The following LINGO1 variants were observed in gnomAD, a reference collection of about 807,000 sequenced individuals.
LINGO1 encodes the protein leucine-rich repeat and immunoglobulin-like domain-containing nogo receptor-interacting protein 1.
A neutral mutation model predicts 37.3 loss-of-function variants in LINGO1; 11 were observed. That is an observed-to-expected ratio of 0.29 (90% confidence interval 0.19 to 0.49). The LOEUF is 0.49. LINGO1 is among the 20% of genes least tolerant of loss of function. The pLI is 0.99. For synonymous variants in LINGO1, 387 were observed against 403.0 expected (o/e 0.96, Z 0.48); for missense variants, 585 against 878.2 (o/e 0.67, Z 4.22).
chr15:77,778,913 G>C (rs1218920037), intron 1 of LINGO1, among the ~76,000 whole-genome samples: 1 of 152,138 alleles, frequency 6.6e-6, no homozygotes, highest in Admixed American at 6.5e-5. Flanking sequence ...CGATCTCCAA[G>C]TTCTGGACCC....
chr15:77,694,240 C>T (rs182773203), intron 1 of LINGO1, among the ~76,000 whole-genome samples: 1 of 152,266 alleles, frequency 6.6e-6, no homozygotes, highest in Non-Finnish European at 1.5e-5. Flanking sequence ...ATTATTAGGA[C>T]TTCACAGATC....
intron 1 of LINGO1, among the ~76,000 whole-genome samples, chr15:77,628,906 T>C (rs1011208767): frequency 6.6e-6 from 1 of 152,192 alleles, no homozygotes; most frequent in Non-Finnish European, 1.5e-5. Flanking sequence ...ACCTACCACC[T>C]ACAAGGATAA....
intron 1 of LINGO1, among the ~76,000 whole-genome samples, chr15:77,622,844 G>T (rs1163681862): frequency 6.6e-6 from 1 of 152,200 alleles, no homozygotes; most frequent in Admixed American, 6.5e-5. Context: ...AGCAGCTCAG[G>T]GTTTCTCCCT....
Position 77,632,437 on chromosome 15 carries a change from C to CGCGGACTG in LINGO1, c.-123_-122insCAGTCCGC. On this transcript the variant is annotated 5_prime_UTR_variant, in exon 1 of 2. Transcript: ENST00000355300. The surrounding 1 kb of genome is among the most constrained non-coding windows in gnomAD (Gnocchi z 6.0). ...GTTTCCTCCTCCTCCGACACCTCCG[C>CGCGGACTG]CCGGCAGTCCGCGCGCCCTCGCGGG... 9.1e-7 allele frequency: 1 copy of CGCGGACTG among 1,096,766 alleles called. No homozygotes were observed. Among genetic ancestry groups the CGCGGACTG allele is most frequent in the Non-Finnish European group, 1.2e-6 (1 of 862,512 alleles). 67.9% of individuals were successfully genotyped at this position (1,096,766 alleles called of 1,614,324 possible).
At chr15:77,620,702 C>G (rs2073890856) in intron 1 of LINGO1, among the ~76,000 whole-genome samples, 1 of 152,244 alleles carries the variant, frequency 6.6e-6, no homozygotes, top group Non-Finnish European at 1.5e-5. Flanking sequence ...ATGGGAGGCT[C>G]AGACCCAAAA....
At chr15:77,807,094 T>G (rs1205725106) in intron 1 of LINGO1, among the ~76,000 whole-genome samples, 1 of 152,194 alleles carries the variant, frequency 6.6e-6, no homozygotes, top group Non-Finnish European at 1.5e-5. Context: ...CTGTCTGGAA[T>G]TCCTTCCTCC....
intron 1 of LINGO1, among the ~76,000 whole-genome samples, chr15:77,618,004 T>A (rs1361935921): frequency 6.6e-6 from 1 of 152,184 alleles, no homozygotes; most frequent in African/African-American, 2.4e-5. Context: ...ACCAGGCTAT[T>A]TTCCACAGTC....
intron 3 of LINGO1, among the ~76,000 whole-genome samples, chr15:77,673,413 G>A (rs561320420): frequency 1.1e-4 from 16 of 149,566 alleles, no homozygotes; most frequent in South Asian, 2.1e-4. Context: ...GCATTTCACC[G>A]CCCCAATCGC....
At chr15:77,660,893 G>A (rs1348624939) in intron 3 of LINGO1, among the ~76,000 whole-genome samples, 2 of 152,168 alleles carry the variant, frequency 1.3e-5, no homozygotes, top group African/African-American at 2.4e-5. Context: ...GGAGGGCTGC[G>A]GCTGTGCCTG....
At chr15:77,638,498 G>A (rs780205577), upstream of LINGO1, among the ~76,000 whole-genome samples, 2 of 152,232 alleles carry the variant, frequency 1.3e-5, no homozygotes, top group Non-Finnish European at 2.9e-5. Context: ...CTGAGAGCCT[G>A]GCTCGGCTGT....
intron 1 of LINGO1, among the ~76,000 whole-genome samples, chr15:77,783,701 T>G (rs1210020689): frequency 1.3e-5 from 2 of 152,210 alleles, no homozygotes; most frequent in African/African-American, 4.8e-5. Context: ...CTGCTGCTGC[T>G]AAAACGAATC....
intron 1 of LINGO1, among the ~76,000 whole-genome samples, chr15:77,747,093 C>T (rs907693385): frequency 3.3e-4 from 50 of 152,324 alleles, no homozygotes; most frequent in African/African-American, 1.2e-3. Context: ...ACCCTCCCTG[C>T]CTTTAGCTCC....
chr15:77,745,421 T>C (rs930467578), intron 1 of LINGO1, among the ~76,000 whole-genome samples: 15 of 146,564 alleles, frequency 1.0e-4, no homozygotes, highest in African/African-American at 3.8e-4. Context: ...CAAGACTCCG[T>C]CTCAAAAGAA....
chr15:77,665,538 G>A (rs1596074499), intron 3 of LINGO1, among the ~76,000 whole-genome samples: 1 of 152,232 alleles, frequency 6.6e-6, no homozygotes, highest in East Asian at 1.9e-4. Context: ...ACAGATGAGT[G>A]CAACCATAGT....
chr15:77,699,710 T>TC (rs1567532138), upstream of LINGO1, among the ~76,000 whole-genome samples: 2 of 2,882 alleles, frequency 6.9e-4, no homozygotes, highest in East Asian at 8.6e-3. Context: ...CTAACCATCA[T>TC]TCCCACACAC....
chr15:77,681,591 G>A (rs1018643035), intron 2 of LINGO1, among the ~76,000 whole-genome samples: 2 of 152,224 alleles, frequency 1.3e-5, no homozygotes, highest in East Asian at 3.9e-4. Flanking sequence ...AATGCAACAT[G>A]AATCGTTTTC....
intron 1 of LINGO1, among the ~76,000 whole-genome samples, chr15:77,771,733 C>G (rs28495127): frequency 6.6e-6 from 1 of 152,176 alleles, no homozygotes; most frequent in Non-Finnish European, 1.5e-5. Flanking sequence ...ACTCCAGAAG[C>G]CTTGGCCACC....
At chr15:77,777,481 A>G (rs139236405) in intron 1 of LINGO1, among the ~76,000 whole-genome samples, 1,480 of 89,394 alleles carry the variant, frequency 0.017, 21 homozygotes, top group African/African-American at 0.054. Flanking sequence ...ACACACACAC[A>G]CACACACACA....
chr15:77,635,363 G>A (rs1320034269), upstream of LINGO1, among the ~76,000 whole-genome samples: 1 of 152,120 alleles, frequency 6.6e-6, no homozygotes, highest in Non-Finnish European at 1.5e-5. Flanking sequence ...GTGAGAGTAC[G>A]GGTCCCTGGC....
Sources: gnomAD v4.1 joint callset for allele counts (sites outside exome capture counted in the v4.1 genomes callset) on GRCh38, gnomAD v4.1.1 for gene constraint, Gnocchi (gnomAD v3.1) non-coding constraint, MANE v1.5 for transcripts, NCBI Gene and HGNC (gene_info 2026-07-23, HGNC 2026-07-21) for gene names.